PKHD1L1: variants seen among roughly 807,000 people sequenced by gnomAD.
PKHD1L1 encodes PKHD1 like 1.
In PKHD1L1, 434 loss-of-function variants were observed where a neutral mutation model predicts 462.9. That is an observed-to-expected ratio of 0.94 (90% CI 0.87 to 1.02). The LOEUF is 1.02. Ranked by LOEUF, PKHD1L1 falls within the 50% of genes least tolerant of loss-of-function variation. The pLI, the probability that PKHD1L1 is intolerant of heterozygous loss-of-function variation, is 0.00. For synonymous variants in PKHD1L1, 1,781 were observed against 1,750.0 expected (o/e 1.02, Z -0.44); for missense variants, 5,202 against 5,096.1 (o/e 1.02, Z -0.63).
chr8:109,426,672 T>G (rs191119628), intron 24 of PKHD1L1, among the ~76,000 whole-genome samples: 33 of 152,278 alleles, frequency 2.2e-4, no homozygotes, highest in Admixed American at 2.2e-3. Flanking sequence ...TAATTTTTTT[T>G]TGAGACGGAG....
At chr8:109,517,747 T>C (rs1820346505) in intron 72 of PKHD1L1, among the ~76,000 whole-genome samples, 1 of 152,164 alleles carries the variant, frequency 6.6e-6, no homozygotes, top group Non-Finnish European at 1.5e-5. Flanking sequence ...CTTTTAAGAG[T>C]TGGCATATAG....
At chr8:109,512,511 T>A (rs1202655772) in intron 71 of PKHD1L1, among the ~76,000 whole-genome samples, 2 of 152,130 alleles carry the variant, frequency 1.3e-5, no homozygotes, top group Non-Finnish European at 2.9e-5. Flanking sequence ...GTTGTAGATA[T>A]GCGGCATTAT....
chr8:109,430,346 G>A (rs922839289), intron 27 of PKHD1L1, among the ~76,000 whole-genome samples: 1 of 152,158 alleles, frequency 6.6e-6, no homozygotes. Context: ...CTTGGACACT[G>A]AGGAACTTTT....
chr8:109,384,976 T>C (rs543830199), intron 5 of PKHD1L1, among the ~76,000 whole-genome samples: 1 of 152,116 alleles, frequency 6.6e-6, no homozygotes, highest in East Asian at 1.9e-4. Context: ...GTAAGACATA[T>C]ATTTTGAATT....
intron 6 of PKHD1L1, among the ~76,000 whole-genome samples, chr8:109,387,852 G>T (rs1234360621): frequency 6.6e-6 from 1 of 152,174 alleles, no homozygotes; most frequent in Admixed American, 6.5e-5. Context: ...TTATTCTGGT[G>T]TTGTAAAGAA....
chr8:109,385,156 T>C lies in PKHD1L1; in HGVS notation c.476-381T>C, dbSNP rs192754375. ...CCTAACTATATAAATATTATATAAA[T>C]TTTCACCTATTTTTCAATAATTGTT... On this transcript the variant is annotated intron_variant, in intron 5 of 77. Coordinates refer to ENST00000378402, the MANE Select transcript of PKHD1L1 (RefSeq NM_177531.6). Among the ~76,000 whole-genome samples, 315 of 151,714 alleles carry C rather than the reference T, an allele frequency of 2.1e-3. 2 individuals carry two copies. The highest frequency in any genetic ancestry group is 5.2e-3 in the African/African-American group (218 of 41,524).
chr8:109,395,827 A>C (rs1384064152), intron 10 of PKHD1L1, among the ~76,000 whole-genome samples, 200 bp from the exon 11 acceptor site: 1 of 152,176 alleles, frequency 6.6e-6, no homozygotes, highest in African/African-American at 2.4e-5. Context: ...CATGGAATGT[A>C]AGTCTCTGTC....
In PKHD1L1 at chr8:109,381,490, C is replaced by A; in HGVS notation, c.284C>A (p.Ser95Ter). 1 of 1,579,108 alleles carries A rather than the reference C, an allele frequency of 6.3e-7. No homozygotes were observed. The highest frequency in any genetic ancestry group is 8.6e-7 in the Non-Finnish European group (1 of 1,158,690). The change falls in exon 3 of 78, where the codon TCA becomes TAA. Residue 95 changes from serine (S) to a stop codon, truncating the protein, a stop_gained. Coordinates refer to ENST00000378402, the MANE Select transcript of PKHD1L1 (RefSeq NM_177531.6). LOFTEE classifies it high-confidence loss of function. The stretch of plus-strand genomic sequence containing the variant: ...GATGTAGAAAAAGATGCAAGTCATT[C>A]AACTCAAATTACATGCTATACTAGG... ...TCDVEKDASHSTQITCYTRAM... is the reference protein window; with the variant it reads ...TCDVEKDASH
At position 109,438,305 on chromosome 8, in the gene PKHD1L1, T is replaced by C; in HGVS notation, c.3628-19T>C. The stretch of plus-strand genomic sequence containing the variant: ...ATCTCAACAATTAATATTTTCTAAT[T>C]TTTTTCCTCTTATTTTAGAAAACTG... On this transcript the variant is annotated intron_variant, in intron 30 of 77. Transcript: ENST00000378402. 1 of 1,437,712 alleles carries C rather than the reference T, an allele frequency of 7.0e-7. No individual in the cohort carries two copies. The highest frequency in any genetic ancestry group is 9.3e-7 in the Non-Finnish European group (1 of 1,071,894). 89.1% of individuals were successfully genotyped at this position (1,437,712 alleles called of 1,614,324 possible).
chr8:109,444,576 A>C, intron 37 of PKHD1L1, 85 bp from the exon 38 acceptor site: 1 of 1,271,914 alleles, frequency 7.9e-7, no homozygotes, highest in South Asian at 1.6e-5. Context: ...TAACTTTTAA[A>C]ATTTGTAGTT....
intron 44 of PKHD1L1, 110 bp downstream of exon 44, chr8:109,454,356 C>A: frequency 1.3e-6 from 1 of 747,818 alleles, no homozygotes; most frequent in Non-Finnish European, 2.1e-6. Flanking sequence ...CTAAGTTTAT[C>A]TTTGTTTAGG....
chr8:109,482,853 A>G, intron 56 of PKHD1L1, 134 bp from the exon 57 acceptor site: 2 of 550,674 alleles, frequency 3.6e-6, no homozygotes, highest in Non-Finnish European at 6.0e-6. Flanking sequence ...CCAAGCAGAG[A>G]GCACCAATTC....
rs772475216 is a variant in PKHD1L1, at chr8:109,382,536, A to G, written c.382A>G (p.Lys128Glu). 2 of 1,612,716 alleles carry G rather than the reference A, an allele frequency of 1.2e-6. No homozygotes were observed. Among genetic ancestry groups the G allele is most frequent in the Admixed American group, 3.3e-5 (2 of 59,880 alleles). The change falls in exon 4 of 78, where the codon AAA becomes GAA. Residue 128 changes from lysine to glutamate, a missense_variant. By Grantham distance (56) the Lys-to-Glu change is moderately conservative. Around this residue, in one of 3 missense-constraint regions of PKHD1L1, gnomAD observed 4,497 missense variants for 4,336.8 expected, o/e 1.04. Coordinates refer to ENST00000378402, the MANE Select transcript of PKHD1L1 (RefSeq NM_177531.6). The stretch of plus-strand genomic sequence containing the variant: ...TCCTGTTACGGAAAATAACACCTGC[A>G]AAGGTCACATCAACAGCTGGGAATG... ...GVPVTENNTC[K>E]GHINSWECTF...
chr8:109,518,148 T>A lies in PKHD1L1; in HGVS notation c.11690-19T>A. 1 of 1,453,206 alleles carries A rather than the reference T, an allele frequency of 6.9e-7. No individual in the cohort carries two copies. Among genetic ancestry groups the A allele is most frequent in the Non-Finnish European group, 9.5e-7 (1 of 1,056,018 alleles). The allele number at this position is 1,453,206 out of a possible 1,614,324, so 90.0% of individuals were successfully genotyped here. On this transcript the variant is annotated intron_variant, in intron 72 of 77. Coordinates refer to ENST00000378402, the MANE Select transcript of PKHD1L1 (RefSeq NM_177531.6). ...TATAAAATACTTAGCTGTGATGTTC[T>A]GGCTTTTTTCCTTCATAGACCAATT...
At chr8:109,504,693 T>C (rs1381882424) in intron 68 of PKHD1L1, among the ~76,000 whole-genome samples, 2 of 152,244 alleles carry the variant, frequency 1.3e-5, no homozygotes, top group Non-Finnish European at 2.9e-5. Context: ...GGCTTTAATA[T>C]ATATGTTTTC....
rs141948018 is a variant in PKHD1L1 at position 109,532,151 on chromosome 8, A to C, written c.*2061A>C. 9.2e-5 allele frequency among the ~76,000 whole-genome samples: 14 copies of C among 152,324 alleles called. No individual in the cohort carries two copies. Among genetic ancestry groups the C allele is most frequent in the Admixed American group, 4.6e-4 (7 of 15,298 alleles). On this transcript the variant is annotated 3_prime_UTR_variant, in exon 78 of 78. Coordinates refer to ENST00000378402, the MANE Select transcript of PKHD1L1 (RefSeq NM_177531.6). ...ATTCAGCCCACTGGAGTTTTTTGTC[A>C]AGATTTTTTCTGTCAGTTTTTAATA...
At chr8:109,470,033 T>G (rs1021008258) in intron 50 of PKHD1L1, 5 of 385,610 alleles carry the variant, frequency 1.3e-5, no homozygotes. Context: ...ACATTAGTAC[T>G]TTATTAAAAC....
intron 22 of PKHD1L1, among the ~76,000 whole-genome samples, chr8:109,419,715 C>T (rs188328014): frequency 6.6e-6 from 1 of 152,048 alleles, no homozygotes; most frequent in Admixed American, 6.5e-5. Context: ...ATAGTGTTAG[C>T]ATTGTGTTTC....
chr8:109,400,117 C>G lies in PKHD1L1; in HGVS notation c.1054C>G (p.Pro352Ala), dbSNP rs1813194365. The change falls in exon 13 of 78, where the codon CCA becomes GCA. Residue 352 changes from proline (P) to alanine (A), a missense_variant. This residue lies in a region of PKHD1L1 where 4,497 missense variants were observed against 4,336.8 expected (regional missense o/e 1.04). Coordinates refer to ENST00000378402, the MANE Select transcript of PKHD1L1 (RefSeq NM_177531.6). ...LKLEVWNNSR[P>A]IRLEEILEYN... The stretch of plus-strand genomic sequence containing the variant: ...GCTTGAGGTGTGGAATAATAGCCGT[C>G]CAATACGTTTGGAAGAGATACTGGA... 1.9e-6 allele frequency: 3 copies of G among 1,613,398 alleles called. No individual in the cohort carries two copies. In the South Asian group the frequency reaches 3.3e-5, roughly 18 times the overall value.
Sources: gnomAD v4.1 joint callset for allele counts (sites outside exome capture counted in the v4.1 genomes callset) on GRCh38, gnomAD v4.1.1 for gene constraint, gnomAD v4.1.1 regional missense constraint, MANE v1.5 for transcripts, NCBI Gene and HGNC (gene_info 2026-07-23, HGNC 2026-07-21) for gene names.